ADARB2: variants seen among roughly 807,000 people sequenced by gnomAD.
ADARB2 encodes inactive double-stranded RNA-specific editase B2.
Under a neutral mutation model 62.2 loss-of-function variants are expected in ADARB2, and 25 were observed. The observed-to-expected ratio is 0.40, with a 90% CI of 0.29 to 0.56. The LOEUF (loss-of-function observed/expected upper bound fraction) is 0.56, where lower values mean the gene tolerates loss of function less well. ADARB2 is among the 20% of genes least tolerant of loss of function. The pLI, the probability that ADARB2 is intolerant of heterozygous loss-of-function variation, is 0.43. For missense variants in ADARB2, 1,071 were observed against 1,077.4 expected, an observed-to-expected ratio of 0.99 and a Z score of 0.08; for synonymous variants, 572 against 500.8, an observed-to-expected ratio of 1.14 and a Z score of -1.90.
At chr10:1,556,927 A>C (rs1271912335) in intron 1 of ADARB2, 1 of 448,316 alleles carries the variant, frequency 2.2e-6, no homozygotes. Flanking sequence ...ATTTTTGGTG[A>C]CCTCAATATT....
At chr10:1,190,426 G>A (rs957754327) in intron 8 of ADARB2, among the ~76,000 whole-genome samples, 1 of 152,256 alleles carries the variant, frequency 6.6e-6, no homozygotes, top group African/African-American at 2.4e-5. Flanking sequence ...GTATTCTAAT[G>A]TGGTTTCCAC....
At chr10:1,722,591 A>G (rs894190474) in intron 1 of ADARB2, among the ~76,000 whole-genome samples, 3 of 152,234 alleles carry the variant, frequency 2.0e-5, no homozygotes, top group African/African-American at 7.2e-5. Context: ...TATCGAATGA[A>G]TAATGTGCTG....
At chr10:1,293,901 G>GGAGTGTC (rs1831500432) in intron 3 of ADARB2, among the ~76,000 whole-genome samples, 1 of 152,052 alleles carries the variant, frequency 6.6e-6, no homozygotes, top group African/African-American at 2.4e-5. Context: ...GATGCCTCTC[G>GGAGTGTC]GAGTGTCGGC....
chr10:1,412,282 C>T (rs1340957294), intron 1 of ADARB2, among the ~76,000 whole-genome samples: 1 of 152,124 alleles, frequency 6.6e-6, no homozygotes, highest in Non-Finnish European at 1.5e-5. Context: ...AAGGAAGTCG[C>T]AAACCCTGTT....
intron 1 of ADARB2, among the ~76,000 whole-genome samples, chr10:1,401,193 A>G (rs970035639): frequency 2.0e-5 from 3 of 152,156 alleles, no homozygotes; most frequent in Admixed American, 2.0e-4. Flanking sequence ...GAGCCTCCGG[A>G]GCAGCTGAGG....
intron 8 of ADARB2, among the ~76,000 whole-genome samples, chr10:1,195,302 G>C (rs1027061772): frequency 2.0e-5 from 3 of 151,586 alleles, no homozygotes; most frequent in Non-Finnish European, 4.4e-5. Context: ...CTCAGGGTTT[G>C]TGGTGCAGTC....
chr10:1,528,299 G>A (rs998402700), intron 1 of ADARB2, among the ~76,000 whole-genome samples: 14 of 152,196 alleles, frequency 9.2e-5, no homozygotes, highest in African/African-American at 3.4e-4. Context: ...ATCAAATACT[G>A]TTCCTCCATT....
chr10:1,203,172 T>A (rs752750288), intron 7 of ADARB2, among the ~76,000 whole-genome samples: 15 of 152,220 alleles, frequency 9.9e-5, no homozygotes, highest in Admixed American at 3.9e-4. Flanking sequence ...TAGTTTTCAA[T>A]ATAGATAATC....
intron 1 of ADARB2, among the ~76,000 whole-genome samples, chr10:1,494,017 G>C: frequency 6.6e-6 from 1 of 151,976 alleles, no homozygotes; most frequent in East Asian, 1.9e-4. Flanking sequence ...GCCTCCCAAA[G>C]TGCTGGGATT....
chr10:1,577,605 G>A (rs1433409415), intron 1 of ADARB2, among the ~76,000 whole-genome samples: 1 of 152,180 alleles, frequency 6.6e-6, no homozygotes, highest in African/African-American at 2.4e-5. Flanking sequence ...CTGTACGAAG[G>A]CCTTGTGGCT....
At chr10:1,627,457 G>A (rs79619471) in intron 1 of ADARB2, among the ~76,000 whole-genome samples, 12,967 of 152,114 alleles carry the variant, frequency 0.085, 772 homozygotes, top group Non-Finnish European at 0.13. Context: ...ACAGTTCAAT[G>A]TCTATCAGGT....
At chr10:1,412,449 CTTTAT>C (rs1220240672) in intron 1 of ADARB2, among the ~76,000 whole-genome samples, 1 of 151,728 alleles carries the variant, frequency 6.6e-6, no homozygotes, top group Non-Finnish European at 1.5e-5. Flanking sequence ...GAGGTTGTGA[CTTTAT>C]TATTATTATT....
At chr10:1,422,803 G>A (rs530144595) in intron 1 of ADARB2, among the ~76,000 whole-genome samples, 15 of 152,264 alleles carry the variant, frequency 9.9e-5, no homozygotes, top group African/African-American at 3.4e-4. Flanking sequence ...TTCGGCCTGC[G>A]GCACCCAGGT....
At chr10:1,595,248 T>C (rs1833317013) in intron 1 of ADARB2, among the ~76,000 whole-genome samples, 1 of 152,074 alleles carries the variant, frequency 6.6e-6, no homozygotes, top group South Asian at 2.1e-4. Flanking sequence ...AGAGAACAGA[T>C]GATGATTAAA....
chr10:1,628,278 A>G (rs1274099089), intron 1 of ADARB2, among the ~76,000 whole-genome samples: 2 of 152,104 alleles, frequency 1.3e-5, no homozygotes, highest in Non-Finnish European at 2.9e-5. Flanking sequence ...ACAGCACACA[A>G]CCCTGCTAGC....
At chr10:1,676,039 C>G (rs1382969065) in intron 1 of ADARB2, 2 of 985,294 alleles carry the variant, frequency 2.0e-6, no homozygotes, top group African/African-American at 1.7e-5. Context: ...GCGTTTCTAA[C>G]TCTTGACCTG....
At chr10:1,269,393 A>T (rs1831237476) in intron 4 of ADARB2, among the ~76,000 whole-genome samples, 3 of 152,344 alleles carry the variant, frequency 2.0e-5, no homozygotes, top group South Asian at 2.1e-4. Context: ...AGAACTTTGT[A>T]TGCCAGGCAC....
intron 1 of ADARB2, among the ~76,000 whole-genome samples, chr10:1,579,596 C>A (rs1433236738): frequency 6.6e-6 from 1 of 152,188 alleles, no homozygotes. Context: ...ATGTCACAGA[C>A]ACAGAGCATC....
chr10:1,336,762 G>A (rs964277448), intron 3 of ADARB2, among the ~76,000 whole-genome samples: 1 of 152,172 alleles, frequency 6.6e-6, no homozygotes, highest in Non-Finnish European at 1.5e-5. Flanking sequence ...GACTCCCTGT[G>A]TCAGGTGAAG....
Sources: gnomAD v4.1 joint callset for allele counts (sites outside exome capture counted in the v4.1 genomes callset) on GRCh38, gnomAD v4.1.1 for gene constraint, MANE v1.5 for transcripts, NCBI Gene and HGNC (gene_info 2026-07-23, HGNC 2026-07-21) for gene names.